PIKFYVE: variants seen among roughly 807,000 people sequenced by gnomAD.
PIKFYVE encodes 1-phosphatidylinositol 3-phosphate 5-kinase.
In PIKFYVE, 122 loss-of-function variants were observed where a neutral mutation model predicts 257.9. The observed-to-expected ratio is 0.47, with a 90% CI of 0.41 to 0.55. PIKFYVE has a LOEUF of 0.55. Ranked by LOEUF, PIKFYVE falls within the 20% of genes least tolerant of loss-of-function variation. PIKFYVE has a pLI of 0.00. For missense variants in PIKFYVE, 2,160 were observed against 2,536.6 expected (o/e 0.85, Z 3.19); for synonymous variants, 892 against 868.9 (o/e 1.03, Z -0.47).
At chr2:208,337,983 G>A (rs971548712) in intron 28 of PIKFYVE, among the ~76,000 whole-genome samples, 8 of 152,048 alleles carry the variant, frequency 5.3e-5, no homozygotes, top group African/African-American at 1.4e-4. Flanking sequence ...TTGGCCTCCC[G>A]AAGTTTTGGG....
At chr2:208,305,042 A>T (rs774317428) in intron 12 of PIKFYVE, 29 bp downstream of exon 12, 1 of 1,613,660 alleles carries the variant, frequency 6.2e-7, no homozygotes, top group Non-Finnish European at 8.5e-7. Context: ...CTGGAATCCA[A>T]ACACAGGCTG....
At chr2:208,314,813 T>G (rs2125457526) in intron 14 of PIKFYVE, among the ~76,000 whole-genome samples, 1 of 152,186 alleles carries the variant, frequency 6.6e-6, no homozygotes, top group African/African-American at 2.4e-5. Flanking sequence ...GGAGGATTGC[T>G]TGAACTCAAG....
rs186888909 is a variant in PIKFYVE at position 208,313,861 on chromosome 2, G to A, written c.1697-433G>A. 6.9e-4 allele frequency among the ~76,000 whole-genome samples: 105 copies of A among 152,320 alleles called. 1 individual carries two copies. Among genetic ancestry groups the A allele is most frequent in the Middle Eastern group, 3.4e-3 (1 of 294 alleles). On this transcript the variant is annotated intron_variant, in intron 13 of 41. Coordinates refer to ENST00000264380, the MANE Select transcript of PIKFYVE (RefSeq NM_015040.4). ...GCCTCCCAAAGTGTTGGAATTACAG[G>A]CGTGAGCTACCACGCGCGGCCCAGT...
Position 208,345,172 on chromosome 2 carries a change from G to T in PIKFYVE, c.5089G>T (p.Glu1697Ter). 1 of 1,611,842 alleles carries T rather than the reference G, an allele frequency of 6.2e-7. No individual in the cohort carries two copies. The highest frequency in any genetic ancestry group is 8.5e-7 in the Non-Finnish European group (1 of 1,178,116). The change falls in exon 33 of 42, where the codon GAA becomes TAA. Residue 1697 changes from glutamate to a stop codon, truncating the protein, a stop_gained. Transcript: ENST00000264380. LOFTEE classifies it high-confidence loss of function. ...LSKATQWNSA[E>*]EGLPTNSTSD... is the part of the protein sequence containing the mutation. ...TAAAGCGACTCAGTGGAACAGTGCC[G>T]AAGAAGGGCTTCCAACAAATAGGTG... is the stretch of plus-strand genomic sequence containing the variant.
chr2:208,302,641 T>G (rs2125336044), intron 10 of PIKFYVE: 1 of 388,982 alleles, frequency 2.6e-6, no homozygotes. Context: ...AATTTGGGTT[T>G]ATGGTCTTTA....
intron 5 of PIKFYVE, among the ~76,000 whole-genome samples, chr2:208,284,505 T>A (rs1691283558): frequency 1.3e-5 from 2 of 152,114 alleles, no homozygotes; most frequent in African/African-American, 4.8e-5. Flanking sequence ...AGGTGATTTA[T>A]CCGTCTCAGT....
chr2:208,273,789 T>A, intron 3 of PIKFYVE, 56 bp downstream of exon 3: 2 of 1,597,324 alleles, frequency 1.3e-6, no homozygotes, highest in Non-Finnish European at 1.7e-6. Flanking sequence ...TCCACAGTCA[T>A]TGTGTTTCCT....
intron 1 of PIKFYVE, among the ~76,000 whole-genome samples, chr2:208,268,921 A>AG (rs759197083): frequency 6.6e-6 from 1 of 152,168 alleles, no homozygotes; most frequent in Non-Finnish European, 1.5e-5. Flanking sequence ...ATAGGCTAAA[A>AG]GGGAAGTGTG....
chr2:208,299,803 A>G (rs1362444864), intron 8 of PIKFYVE, among the ~76,000 whole-genome samples: 1 of 152,238 alleles, frequency 6.6e-6, no homozygotes, highest in Admixed American at 6.5e-5. Flanking sequence ...TTCAATTCTA[A>G]GAGTGACTCA....
intron 7 of PIKFYVE, 45 bp from the exon 8 acceptor site, chr2:208,298,594 GAA>G (rs1461240807): frequency 3.7e-6 from 6 of 1,604,810 alleles, no homozygotes; most frequent in Non-Finnish European, 2.6e-6. Context: ...TCTGTTTATT[GAA>G]GAAGAATTTA....
At chr2:208,348,860 G>A (rs888654968) in intron 35 of PIKFYVE, among the ~76,000 whole-genome samples, 4 of 151,824 alleles carry the variant, frequency 2.6e-5, no homozygotes, top group African/African-American at 7.3e-5. Flanking sequence ...GGGTTAGTCC[G>A]TGAATTAGTA....
chr2:208,290,903 C>A (rs756167377), intron 7 of PIKFYVE, among the ~76,000 whole-genome samples: 1 of 152,086 alleles, frequency 6.6e-6, no homozygotes, highest in African/African-American at 2.4e-5. Context: ...TTCAGGAGTT[C>A]GTTAGTTCTT....
chr2:208,304,733 A>G (rs980997936), intron 11 of PIKFYVE, 113 bp from the exon 12 acceptor site: 8 of 1,009,140 alleles, frequency 7.9e-6, no homozygotes, highest in African/African-American at 1.6e-5. Context: ...GGTATTGCAC[A>G]TTGGGCTTGT....
intron 3 of PIKFYVE, 161 bp downstream of exon 3, chr2:208,273,894 T>A (rs938047109): frequency 5.5e-5 from 76 of 1,369,376 alleles, no homozygotes; most frequent in Non-Finnish European, 7.3e-5. Flanking sequence ...ATAAAACTCT[T>A]ACCTCGGTAG....
rs376782187 is a variant in PIKFYVE, at chr2:208,281,505, C to T, written c.613+3797C>T. Among the ~76,000 whole-genome samples, 22 of 152,292 alleles carry T rather than the reference C, an allele frequency of 1.4e-4. No homozygotes were observed. In the East Asian group the frequency reaches 3.7e-3, roughly 25 times the overall value. On this transcript the variant is annotated intron_variant, in intron 5 of 41. Transcript: ENST00000264380. ...CATGTAGTTCTTCTGGAGTGTAGTGCACCTTCTCATGGGTCACAGTTTGTA... is the reference window on the plus strand; with the variant it reads ...CATGTAGTTCTTCTGGAGTGTAGTGTACCTTCTCATGGGTCACAGTTTGTA...
At chr2:208,274,511 C>G (rs774285225) in intron 3 of PIKFYVE, among the ~76,000 whole-genome samples, 9 of 152,066 alleles carry the variant, frequency 5.9e-5, no homozygotes, top group South Asian at 2.1e-4. Flanking sequence ...CTGATCTTCC[C>G]CCAGATAGTG....
At chr2:208,310,071 C>G (rs1023496748) in intron 12 of PIKFYVE, among the ~76,000 whole-genome samples, 1 of 152,054 alleles carries the variant, frequency 6.6e-6, no homozygotes, top group African/African-American at 2.4e-5. Flanking sequence ...AACATACTAA[C>G]GAGTTATTCT....
chr2:208,315,914 G>C (rs1695460027), intron 15 of PIKFYVE, among the ~76,000 whole-genome samples: 1 of 149,004 alleles, frequency 6.7e-6, no homozygotes, highest in Non-Finnish European at 1.5e-5. Context: ...TAGGGTACAT[G>C]TGCACAATGT....
chr2:208,310,489 A>C (rs1398969492), intron 12 of PIKFYVE, among the ~76,000 whole-genome samples: 1 of 152,164 alleles, frequency 6.6e-6, no homozygotes, highest in African/African-American at 2.4e-5. Flanking sequence ...TACAGTTAAA[A>C]TATATTTTAT....
Sources: gnomAD v4.1 joint callset for allele counts (sites outside exome capture counted in the v4.1 genomes callset) on GRCh38, gnomAD v4.1.1 for gene constraint, MANE v1.5 for transcripts, NCBI Gene and HGNC (gene_info 2026-07-23, HGNC 2026-07-21) for gene names.